NEBL: variants seen among roughly 807,000 people sequenced by gnomAD.
The protein encoded by NEBL is LIM and SH3 protein 2.
In NEBL, 122 loss-of-function variants were observed where a neutral mutation model predicts 140.2. That is an observed-to-expected ratio of 0.87 (90% CI 0.75 to 1.01). The LOEUF (loss-of-function observed/expected upper bound fraction) is 1.01, where lower values mean the gene tolerates loss of function less well. NEBL is among the 50% of genes least tolerant of loss of function. The pLI is 0.00. For synonymous variants in NEBL, 436 were observed against 398.9 expected, an observed-to-expected ratio of 1.09 and a Z score of -1.11; for missense variants, 1,365 against 1,231.3, an observed-to-expected ratio of 1.11 and a Z score of -1.62.
intron 2 of NEBL, among the ~76,000 whole-genome samples, chr10:20,896,604 A>C (rs1418260427): frequency 6.6e-6 from 1 of 150,898 alleles, no homozygotes; most frequent in Non-Finnish European, 1.5e-5. Context: ...TCATTTAGAT[A>C]GAGGGCCTCC....
intron 13 of NEBL, among the ~76,000 whole-genome samples, chr10:20,836,615 C>T (rs982211819): frequency 2.0e-5 from 3 of 152,158 alleles, no homozygotes; most frequent in South Asian, 2.1e-4. Flanking sequence ...GAAGAGCATG[C>T]GCTGGGGTGG....
chr10:21,227,720 C>CT (rs1431458879), intron 3 of NEBL, among the ~76,000 whole-genome samples: 229 of 85,340 alleles, frequency 2.7e-3, no homozygotes, highest in South Asian at 5.2e-3. Context: ...CTTTCTTCTT[C>CT]TTCTTCTTCT....
At chr10:20,911,521 T>C (rs1296988609) in intron 4 of NEBL, among the ~76,000 whole-genome samples, 2 of 152,216 alleles carry the variant, frequency 1.3e-5, no homozygotes, top group African/African-American at 4.8e-5. Flanking sequence ...TAAAACCTAC[T>C]ACCATACACA....
intron 4 of NEBL, among the ~76,000 whole-genome samples, chr10:20,908,351 A>G (rs1219153306): frequency 5.3e-5 from 8 of 152,194 alleles, no homozygotes; most frequent in East Asian, 1.9e-4. Context: ...TCAATTTCCA[A>G]CTTCAAAGGA....
chr10:21,280,619 CTTTTTTTTTTTT>C (rs554320752), intron 1 of NEBL, among the ~76,000 whole-genome samples: 5 of 98,134 alleles, frequency 5.1e-5, no homozygotes, highest in Admixed American at 1.4e-4. Flanking sequence ...TTTCTTTTTC[CTTTTTTTTTTTT>C]TTTTTTTTGC....
chr10:21,016,691 C>T (rs1296304376), intron 3 of NEBL, among the ~76,000 whole-genome samples: 1 of 152,058 alleles, frequency 6.6e-6, no homozygotes, highest in Non-Finnish European at 1.5e-5. Flanking sequence ...TCAAAACAAG[C>T]CTATAAAATA....
chr10:21,024,166 T>C (rs1838927506), intron 2 of NEBL, among the ~76,000 whole-genome samples: 1 of 152,134 alleles, frequency 6.6e-6, no homozygotes, highest in African/African-American at 2.4e-5. Flanking sequence ...TACTATGCAA[T>C]GTATACTGAT....
intron 2 of NEBL, chr10:21,110,542 ATCAT>A: frequency 4.9e-6 from 1 of 204,724 alleles, no homozygotes; most frequent in South Asian, 7.8e-5. Context: ...TTTTTTCTTA[ATCAT>A]TCTGCCTATT....
At chr10:21,042,482 A>AAT in intron 2 of NEBL, among the ~76,000 whole-genome samples, 1 of 152,376 alleles carries the variant, frequency 6.6e-6, no homozygotes, top group East Asian at 1.9e-4. Flanking sequence ...AAGCAAAGGT[A>AAT]ATAAATGTTC....
At position 20,840,843 on chromosome 10, in the gene NEBL, ATTCT is replaced by A; in HGVS notation, c.1230_1233del (p.Lys410AsnfsTer10). The A allele has an allele frequency of 6.5e-7, 1 of 1,546,948 alleles. No homozygotes were observed. The highest frequency in any genetic ancestry group is 8.9e-7 in the Non-Finnish European group (1 of 1,121,960). ...ATCTCATTTTCCAAATCTTTTTTAT[ATTCT>A]TTCTATGAGACAAGAATATCACAGT... On this transcript the variant is annotated frameshift_variant and splice_region_variant, in exon 13 of 28. Coordinates refer to ENST00000377122, the MANE Select transcript of NEBL (RefSeq NM_006393.3). LOFTEE classifies it high-confidence loss of function.
At chr10:21,206,995 A>G (rs1841837784) in intron 3 of NEBL, among the ~76,000 whole-genome samples, 1 of 123,688 alleles carries the variant, frequency 8.1e-6, no homozygotes, top group Admixed American at 9.4e-5. Context: ...TTTTTTTTAG[A>G]CAGAGTCTTG....
intron 3 of NEBL, among the ~76,000 whole-genome samples, chr10:21,186,274 A>ACACACT (rs1211246992): frequency 6.6e-6 from 1 of 151,570 alleles, no homozygotes; most frequent in African/African-American, 2.4e-5. Context: ...ACACACACAC[A>ACACACT]CACACACACA....
chr10:21,169,049 C>CAAAAAAAAAAAAA (rs147147865), intron 2 of NEBL, among the ~76,000 whole-genome samples: 1 of 25,530 alleles, frequency 3.9e-5, no homozygotes, highest in African/African-American at 1.4e-4. Flanking sequence ...ACTCCGTCTA[C>CAAAAAAAAAAAAA]AAAAAAAAAA....
chr10:21,126,526 T>C (rs1440658106), intron 2 of NEBL, among the ~76,000 whole-genome samples: 1 of 152,188 alleles, frequency 6.6e-6, no homozygotes, highest in African/African-American at 2.4e-5. Context: ...CGTAGAATAT[T>C]AGCATACACC....
intron 2 of NEBL, among the ~76,000 whole-genome samples, chr10:21,156,444 T>C (rs1429184715): frequency 1.3e-5 from 2 of 152,152 alleles, no homozygotes; most frequent in African/African-American, 4.8e-5. Flanking sequence ...AAGAATGGTG[T>C]TTTCAAAACA....
intron 1 of NEBL, among the ~76,000 whole-genome samples, chr10:21,266,969 G>T (rs191526305): frequency 0.015 from 2,212 of 151,448 alleles, 43 homozygotes; most frequent in African/African-American, 0.043. Flanking sequence ...TTTATTTGGG[G>T]TTTTTTTTGT....
At chr10:21,214,483 ACG>A (rs796381369) in intron 3 of NEBL, among the ~76,000 whole-genome samples, 3,890 of 151,346 alleles carry the variant, frequency 0.026, 75 homozygotes, top group Non-Finnish European at 0.028. Context: ...ATGCACACAC[ACG>A]CGCACATTAC....
chr10:21,254,749 G>A (rs549698537), intron 1 of NEBL, among the ~76,000 whole-genome samples: 15 of 152,178 alleles, frequency 9.9e-5, no homozygotes, highest in Non-Finnish European at 2.1e-4. Flanking sequence ...AGGAAGATTT[G>A]GGACCACCCA....
chr10:21,170,193 T>G (rs925167961), intron 2 of NEBL: 1 of 152,244 alleles, frequency 6.6e-6, no homozygotes, highest in African/African-American at 2.4e-5. Context: ...TTCTCCCTTA[T>G]CCAATTCTCT....
Sources: gnomAD v4.1 joint callset for allele counts (sites outside exome capture counted in the v4.1 genomes callset) on GRCh38, gnomAD v4.1.1 for gene constraint, MANE v1.5 for transcripts, NCBI Gene and HGNC (gene_info 2026-07-23, HGNC 2026-07-21) for gene names.